The following SLIT3 variants were observed in gnomAD, a reference collection of about 807,000 sequenced individuals.
SLIT3 encodes slit homolog 3 protein.
A neutral mutation model predicts 184.0 loss-of-function variants in SLIT3; 68 were observed. The observed-to-expected ratio is 0.37, with a 90% CI of 0.30 to 0.45. The LOEUF (loss-of-function observed/expected upper bound fraction) is 0.45, where lower values mean the gene tolerates loss of function less well. SLIT3 is among the 20% of genes least tolerant of loss of function. The pLI is 1.00. For missense variants in SLIT3, 1,707 were observed against 2,026.0 expected, an observed-to-expected ratio of 0.84 and a Z score of 3.02; for synonymous variants, 831 against 828.6, an observed-to-expected ratio of 1.00 and a Z score of -0.05.
chr5:169,226,436 T>C (rs1764812731), intron 3 of SLIT3, among the ~76,000 whole-genome samples: 1 of 152,090 alleles, frequency 6.6e-6, no homozygotes, highest in African/African-American at 2.4e-5. Flanking sequence ...CAAGAGTCCC[T>C]GAAGGCCTAG....
intron 4 of SLIT3, among the ~76,000 whole-genome samples, chr5:169,045,278 A>T (rs1001141282): frequency 5.3e-5 from 8 of 152,058 alleles, no homozygotes; most frequent in African/African-American, 1.9e-4. Flanking sequence ...TAAACGTGCA[A>T]CTTGGGCACA....
chr5:168,748,197 C>G lies in SLIT3; in HGVS notation c.2270+105G>C, dbSNP rs988609466. 3.1e-6 allele frequency: 4 copies of G among 1,299,206 alleles called. No individual in the cohort carries two copies. The East Asian group carries it at 8.5e-5, about 28-fold the overall frequency. The allele number at this position is 1,299,206 out of a possible 1,614,324, so 80.5% of individuals were successfully genotyped here. ...GATCCATTCAAGTAGGGTCTCCCCC[C>G]GGCAGTTTCGCCATGTTGCCTTGCT... On this transcript the variant is annotated intron_variant, in intron 20 of 35. Transcript: ENST00000519560.
chr5:168,817,177 A>G (rs879184002), intron 8 of SLIT3, 123 bp downstream of exon 8: 7 of 832,624 alleles, frequency 8.4e-6, no homozygotes, highest in South Asian at 6.5e-5. Flanking sequence ...AGGACGACCT[A>G]TGGGGTTCCT....
chr5:168,853,993 T>C (rs997332152), intron 5 of SLIT3, among the ~76,000 whole-genome samples: 1 of 152,160 alleles, frequency 6.6e-6, no homozygotes, highest in Non-Finnish European at 1.5e-5. Context: ...CATCCCTTCA[T>C]TCAAGCACTT....
chr5:168,684,049 A>G lies in SLIT3; in HGVS notation c.3603T>C (p.Asn1201=), dbSNP rs769251624. Residue 1201 remains asparagine (N), a synonymous_variant, in exon 32 of 36, where the codon AAT becomes AAC. Transcript: ENST00000519560. The part of the protein sequence containing the change: ...DNGILLYKGD[N]DPLALELYQG... The stretch of plus-strand genomic sequence containing the variant: ...GGTACAGCTCCAGTGCCAGGGGGTC[A>G]TTGTCTCCTTTGTAGAGAAGGATGC... 1 of 1,607,776 alleles carries G rather than the reference A, an allele frequency of 6.2e-7. No homozygotes were observed.
intron 6 of SLIT3, among the ~76,000 whole-genome samples, chr5:168,840,747 G>T (rs188195133): frequency 2.6e-5 from 4 of 152,152 alleles, no homozygotes; most frequent in Non-Finnish European, 4.4e-5. Context: ...ACAGAGCCTC[G>T]GTCCCTCAAT....
chr5:168,671,531 C>T (rs763373028), intron 33 of SLIT3, 48 bp from the exon 34 acceptor site: 4 of 1,564,440 alleles, frequency 2.6e-6, no homozygotes, highest in Non-Finnish European at 3.5e-6. Context: ...TCCCCTGCCA[C>T]CCTGCTGTCC....
intron 4 of SLIT3, among the ~76,000 whole-genome samples, chr5:168,921,814 T>A (rs1262453197): frequency 1.3e-5 from 2 of 152,248 alleles, no homozygotes; most frequent in African/African-American, 2.4e-5. Flanking sequence ...AATGCTATCC[T>A]TCTTCAAATT....
chr5:169,268,595 G>A (rs1766483815), intron 1 of SLIT3, among the ~76,000 whole-genome samples: 1 of 152,162 alleles, frequency 6.6e-6, no homozygotes, highest in Non-Finnish European at 1.5e-5. Flanking sequence ...CATGAGAGAA[G>A]GCAACAGGGC....
intron 30 of SLIT3, among the ~76,000 whole-genome samples, 162 bp from the exon 31 acceptor site, chr5:168,686,089 C>G (rs1178930965): frequency 6.6e-6 from 1 of 152,206 alleles, no homozygotes; most frequent in Non-Finnish European, 1.5e-5. Context: ...CGGGGCAAGA[C>G]CTTTTCCTTC....
chr5:168,992,313 G>C (rs979933625), intron 4 of SLIT3, among the ~76,000 whole-genome samples: 1 of 152,292 alleles, frequency 6.6e-6, no homozygotes, highest in Non-Finnish European at 1.5e-5. Context: ...CTTATGAATG[G>C]GGAGTGAGGA....
chr5:169,017,939 C>T (rs1756455394), intron 4 of SLIT3: 1 of 152,294 alleles, frequency 6.6e-6, no homozygotes, highest in South Asian at 2.1e-4. Flanking sequence ...GAAACACAGG[C>T]TGGTAAGATT....
chr5:168,844,896 A>AT (rs34420406), intron 5 of SLIT3: 45,488 of 229,660 alleles, frequency 0.2, 4,432 homozygotes, highest in Admixed American at 0.24. Context: ...TTAATTGCGC[A>AT]TTTTTTTTTT....
At chr5:168,857,458 A>G (rs1469446211) in intron 5 of SLIT3, among the ~76,000 whole-genome samples, 3 of 152,200 alleles carry the variant, frequency 2.0e-5, no homozygotes, top group Admixed American at 2.0e-4. Context: ...CAGGAATCAG[A>G]TGACAAGGAT....
intron 1 of SLIT3, among the ~76,000 whole-genome samples, chr5:169,270,832 A>C (rs977904492): frequency 6.6e-6 from 1 of 152,156 alleles, no homozygotes; most frequent in African/African-American, 2.4e-5. Flanking sequence ...GACTCTGGGG[A>C]AGTTATTTTA....
At chr5:168,763,475 CCT>C (rs756873126) in intron 14 of SLIT3, among the ~76,000 whole-genome samples, 36 of 152,218 alleles carry the variant, frequency 2.4e-4, no homozygotes, top group East Asian at 5.8e-4. Flanking sequence ...TCAGATTTGG[CCT>C]CTGTTTTTCA....
intron 4 of SLIT3, among the ~76,000 whole-genome samples, chr5:168,902,460 C>T (rs1036256005): frequency 3.3e-5 from 5 of 152,242 alleles, no homozygotes; most frequent in South Asian, 2.1e-4. Context: ...GAGCTCAATG[C>T]GTGATAAGCA....
intron 5 of SLIT3, among the ~76,000 whole-genome samples, chr5:168,861,672 T>A (rs986228725): frequency 6.6e-6 from 1 of 152,092 alleles, no homozygotes; most frequent in Non-Finnish European, 1.5e-5. Context: ...AATTTGCACA[T>A]CCACAACCCA....
In SLIT3 at chr5:168,817,554, C is replaced by T. The variant is rs1757375054; in HGVS notation, c.630-91G>A. The T allele has an allele frequency of 1.0e-5, 13 of 1,238,946 alleles. 1 individual carries two copies. Among genetic ancestry groups the T allele is most frequent in the South Asian group, 6.7e-5 (5 of 74,530 alleles). 76.7% of individuals were successfully genotyped at this position (1,238,946 alleles called of 1,614,324 possible). ...GACAGAGTGACCAAAACCCCTGTTG[C>T]CCCTTTCTCCAGTGTGAAAATCCCT... On this transcript the variant is annotated intron_variant, in intron 7 of 35. Coordinates refer to ENST00000519560, the MANE Select transcript of SLIT3 (RefSeq NM_003062.4).
Sources: gnomAD v4.1 joint callset for allele counts (sites outside exome capture counted in the v4.1 genomes callset) on GRCh38, gnomAD v4.1.1 for gene constraint, MANE v1.5 for transcripts, NCBI Gene and HGNC (gene_info 2026-07-23, HGNC 2026-07-21) for gene names.